Variants in GALM observed in about 807,000 individuals in gnomAD.
The protein encoded by GALM is aldose 1-epimerase.
In GALM, 43 loss-of-function variants were observed where a neutral mutation model predicts 37.4. That is an observed-to-expected ratio of 1.15 (90% CI 0.90 to 1.48). The LOEUF (loss-of-function observed/expected upper bound fraction) is 1.48, where lower values mean the gene tolerates loss of function less well. GALM is among the 40% of genes most tolerant of loss of function. The pLI, the probability that GALM is intolerant of heterozygous loss-of-function variation, is 0.00. For missense variants in GALM, 456 were observed against 419.1 expected (o/e 1.09, Z -0.77); for synonymous variants, 199 against 170.6 (o/e 1.17, Z -1.30).
At chr2:38,670,877 A>T (rs1329412860) in intron 1 of GALM, among the ~76,000 whole-genome samples, 1 of 152,196 alleles carries the variant, frequency 6.6e-6, no homozygotes, top group Non-Finnish European at 1.5e-5. Context: ...TCTTCATATA[A>T]CCAAAGGATA....
rs181502567 is a variant in GALM at position 38,713,290 on chromosome 2, G to A, written c.635-16266G>A. 2.6e-3 allele frequency among the ~76,000 whole-genome samples: 391 copies of A among 152,254 alleles called. 2 individuals are homozygous for A. The highest frequency in any genetic ancestry group is 9.1e-3 in the African/African-American group (377 of 41,542). ...GAATGCCTTCTCTTGGTGTGGTCAG[G>A]CAGAAGGGTTGTCTCTCTCATACTA... On this transcript the variant is annotated intron_variant, in intron 4 of 6. Transcript: ENST00000272252.
chr2:38,705,582 G>A (rs1572531639), intron 4 of GALM, among the ~76,000 whole-genome samples: 1 of 152,212 alleles, frequency 6.6e-6, no homozygotes, highest in African/African-American at 2.4e-5. Flanking sequence ...GCCACAAGGA[G>A]AGTGAGAGTA....
chr2:38,706,713 T>C (rs555678762), intron 4 of GALM, among the ~76,000 whole-genome samples: 1 of 151,774 alleles, frequency 6.6e-6, no homozygotes, highest in East Asian at 1.9e-4. Context: ...GGGACTTGAC[T>C]GGAGACAGAG....
intron 2 of GALM, 91 bp downstream of exon 2, chr2:38,676,157 T>A (rs770762557): frequency 2.6e-4 from 346 of 1,308,264 alleles, no homozygotes; most frequent in Non-Finnish European, 3.6e-4. Flanking sequence ...CTAGAGCACA[T>A]GAGTGGTGAG....
rs568308858 is a variant in GALM, at chr2:38,676,751, A to G, written c.345+685A>G. On this transcript the variant is annotated intron_variant, in intron 2 of 6. Transcript: ENST00000272252. ...GCACTCCAGCCTGGGCAACAGAGCC[A>G]GAGTCCGTCTCAAAAAAATAAAAAA... is the stretch of plus-strand genomic sequence containing the variant. Among the ~76,000 whole-genome samples the G allele has an allele frequency of 1.1e-4, 16 of 152,336 alleles. No individual in the cohort carries two copies. In the East Asian group the frequency reaches 2.5e-3, roughly 24 times the overall value.
intron 4 of GALM, among the ~76,000 whole-genome samples, chr2:38,702,000 C>T (rs1302016897): frequency 6.6e-6 from 1 of 152,162 alleles, no homozygotes; most frequent in Non-Finnish European, 1.5e-5. Flanking sequence ...AACTCCTAAG[C>T]ATTTCTCAAA....
At chr2:38,680,437 A>G (rs1325066635) in intron 2 of GALM, among the ~76,000 whole-genome samples, 2 of 152,184 alleles carry the variant, frequency 1.3e-5, no homozygotes, top group East Asian at 1.9e-4. Flanking sequence ...CCTTTATTTT[A>G]TGAAAGAGAT....
chr2:38,688,190 C>A (rs571812868), intron 3 of GALM, among the ~76,000 whole-genome samples: 1 of 149,716 alleles, frequency 6.7e-6, no homozygotes. Context: ...CCGGCCTGGG[C>A]GACAGAGTGA....
intron 3 of GALM, among the ~76,000 whole-genome samples, chr2:38,685,836 G>A (rs915428199): frequency 1.3e-5 from 2 of 152,074 alleles, no homozygotes; most frequent in Non-Finnish European, 2.9e-5. Context: ...TCCCGCCTCA[G>A]CCTCTGGAGT....
intron 4 of GALM, among the ~76,000 whole-genome samples, chr2:38,697,602 A>T (rs1665837516): frequency 6.6e-6 from 1 of 152,210 alleles, no homozygotes; most frequent in South Asian, 2.1e-4. Flanking sequence ...ACACATCATC[A>T]TGAGAATGTA....
At chr2:38,696,761 C>T (rs1162370157) in intron 4 of GALM, among the ~76,000 whole-genome samples, 2 of 149,574 alleles carry the variant, frequency 1.3e-5, no homozygotes, top group East Asian at 2.0e-4. Context: ...CGTGAGCCAC[C>T]GCACCTACCC....
Position 38,703,179 on chromosome 2 carries a change from C to T in GALM, c.634+13285C>T, listed in dbSNP as rs1264836132. On this transcript the variant is annotated intron_variant, in intron 4 of 6. Coordinates refer to ENST00000272252, the MANE Select transcript of GALM (RefSeq NM_138801.3). The stretch of plus-strand genomic sequence containing the variant: ...CTGGATTGCAATGGTGCGATCTCAG[C>T]TCACCGCAACCTCTGCCTCCCAGGT... Among the ~76,000 whole-genome samples, 5 of 132,286 alleles carry T rather than the reference C, an allele frequency of 3.8e-5. No homozygotes were observed. The Admixed American group carries it at 4.1e-4, about 11-fold the overall frequency. 86.8% of individuals were successfully genotyped at this position (132,286 alleles called of 152,430 possible).
chr2:38,730,778 A>G (rs1202316712), intron 5 of GALM, among the ~76,000 whole-genome samples: 1 of 151,728 alleles, frequency 6.6e-6, no homozygotes, highest in Non-Finnish European at 1.5e-5. Context: ...AAAATTAGCC[A>G]GGCATGGTGG....
intron 4 of GALM, among the ~76,000 whole-genome samples, chr2:38,708,056 G>A (rs1432143010): frequency 5.3e-5 from 8 of 151,886 alleles, no homozygotes; most frequent in African/African-American, 1.5e-4. Flanking sequence ...GCAGTGAGCC[G>A]AGGTCATGCC....
At chr2:38,723,118 C>T (rs139429319) in intron 4 of GALM, among the ~76,000 whole-genome samples, 2,684 of 152,282 alleles carry the variant, frequency 0.018, 27 homozygotes, top group Middle Eastern at 0.034. Context: ...CCAGAGGGTA[C>T]AGAGATAAAT....
At chr2:38,711,059 C>A (rs773969722) in intron 4 of GALM, among the ~76,000 whole-genome samples, 6 of 151,984 alleles carry the variant, frequency 3.9e-5, no homozygotes, top group Admixed American at 1.3e-4. Flanking sequence ...AGCCCCTGGT[C>A]ATTTCCTTCT....
intron 3 of GALM, among the ~76,000 whole-genome samples, chr2:38,689,604 C>G (rs767876194): frequency 6.6e-6 from 1 of 152,184 alleles, no homozygotes; most frequent in Non-Finnish European, 1.5e-5. Flanking sequence ...AATGCATGCA[C>G]ACTTGAAAGT....
intron 4 of GALM, among the ~76,000 whole-genome samples, chr2:38,721,454 C>T (rs1234741226): frequency 6.6e-6 from 1 of 152,178 alleles, no homozygotes; most frequent in Non-Finnish European, 1.5e-5. Context: ...TACTGTCACT[C>T]TAACATCACT....
At chr2:38,704,530 G>T (rs1666000557) in intron 4 of GALM, among the ~76,000 whole-genome samples, 2 of 151,902 alleles carry the variant, frequency 1.3e-5, no homozygotes, top group African/African-American at 4.8e-5. Flanking sequence ...CAAAAAATTA[G>T]CCAGGCCCAG....
Sources: allele counts gnomAD v4.1 joint callset (sites outside exome capture counted in the v4.1 genomes callset), GRCh38; gene constraint gnomAD v4.1.1; transcripts MANE v1.5; gene names NCBI Gene and HGNC (gene_info 2026-07-23, HGNC 2026-07-21).